SLC39A11: variants seen among roughly 807,000 people sequenced by gnomAD.
The protein encoded by SLC39A11 is zinc transporter ZIP11.
SLC39A11 carries 33 observed loss-of-function variants against 36.1 expected under a neutral mutation model. That is an observed-to-expected ratio of 0.91 (90% CI 0.69 to 1.22). SLC39A11 has a LOEUF of 1.22. Among genes scored for constraint, SLC39A11 ranks in the 50% most tolerant of loss-of-function variants. The pLI is 0.00. For missense variants in SLC39A11, 432 were observed against 430.3 expected (o/e 1.00, Z -0.03); for synonymous variants, 166 against 170.3 (o/e 0.97, Z 0.20).
intron 4 of SLC39A11, among the ~76,000 whole-genome samples, chr17:72,985,074 C>A (rs2088615161): frequency 6.6e-6 from 1 of 152,240 alleles, no homozygotes; most frequent in Non-Finnish European, 1.5e-5. Flanking sequence ...GCAGGGCAAA[C>A]ACAGTAAGTT....
intron 3 of SLC39A11, among the ~76,000 whole-genome samples, chr17:73,084,433 G>A (rs938063448): frequency 1.2e-4 from 7 of 59,414 alleles, no homozygotes; most frequent in African/African-American, 4.7e-4. Flanking sequence ...GTAAGGCTCT[G>A]TCTCAAAAAA....
intron 7 of SLC39A11, among the ~76,000 whole-genome samples, chr17:72,663,373 A>G (rs986777744): frequency 1.3e-5 from 2 of 152,186 alleles, no homozygotes; most frequent in Non-Finnish European, 2.9e-5. Context: ...TTCAGAAAAG[A>G]GCAGATCCGC....
At chr17:72,987,033 G>A (rs1198295898) in intron 4 of SLC39A11, among the ~76,000 whole-genome samples, 1 of 152,164 alleles carries the variant, frequency 6.6e-6, no homozygotes, top group Non-Finnish European at 1.5e-5. Flanking sequence ...GAGGGGTTTG[G>A]GTCACGGGAG....
chr17:72,658,672 G>A (rs1315820470), intron 7 of SLC39A11, among the ~76,000 whole-genome samples: 3 of 152,216 alleles, frequency 2.0e-5, no homozygotes, highest in Admixed American at 6.5e-5. Flanking sequence ...GCCCTGTGAT[G>A]TGTAGTGCCA....
At chr17:72,817,023 C>T (rs980682122) in intron 6 of SLC39A11, among the ~76,000 whole-genome samples, 2 of 151,910 alleles carry the variant, frequency 1.3e-5, no homozygotes, top group African/African-American at 4.8e-5. Flanking sequence ...TTTGCTATGG[C>T]AAATCCTAGG....
At chr17:72,732,140 C>T (rs1394557244) in intron 7 of SLC39A11, among the ~76,000 whole-genome samples, 2 of 144,368 alleles carry the variant, frequency 1.4e-5, no homozygotes, top group African/African-American at 5.1e-5. Flanking sequence ...CCTCAGCCTC[C>T]CAAGTAGCTG....
intron 5 of SLC39A11, among the ~76,000 whole-genome samples, chr17:72,939,677 A>G (rs1216920358): frequency 1.3e-5 from 2 of 152,208 alleles, no homozygotes; most frequent in Non-Finnish European, 2.9e-5. Context: ...GCTACAAGCC[A>G]GGAAACGCTG....
intron 3 of SLC39A11, among the ~76,000 whole-genome samples, chr17:73,071,590 A>T (rs2144529317): frequency 6.6e-6 from 1 of 152,328 alleles, no homozygotes; most frequent in Middle Eastern, 3.4e-3. Flanking sequence ...TTGCTCAAGC[A>T]GTCCACTGTC....
At chr17:72,884,688 A>C (rs1220522289) in intron 5 of SLC39A11, among the ~76,000 whole-genome samples, 1 of 152,222 alleles carries the variant, frequency 6.6e-6, no homozygotes, top group African/African-American at 2.4e-5. Flanking sequence ...GTTTAATAAA[A>C]AGGAAGGCAT....
intron 5 of SLC39A11, among the ~76,000 whole-genome samples, chr17:72,883,638 G>A (rs1053146980): frequency 1.3e-5 from 2 of 152,130 alleles, no homozygotes; most frequent in South Asian, 2.1e-4. Context: ...AGAAATGACC[G>A]AGGAATCCCA....
intron 4 of SLC39A11, among the ~76,000 whole-genome samples, chr17:72,979,636 C>T: frequency 6.6e-6 from 1 of 152,134 alleles, no homozygotes; most frequent in East Asian, 1.9e-4. Context: ...AAAATCGAGC[C>T]AGTTCAGGCC....
chr17:72,934,099 G>C (rs1288029665), intron 5 of SLC39A11, among the ~76,000 whole-genome samples: 1 of 149,428 alleles, frequency 6.7e-6, no homozygotes, highest in Admixed American at 6.7e-5. Context: ...ATAGATAGTA[G>C]ACTTAAATGT....
chr17:72,655,257 G>A (rs1378012468), intron 7 of SLC39A11, among the ~76,000 whole-genome samples: 7 of 152,284 alleles, frequency 4.6e-5, no homozygotes, highest in Admixed American at 3.9e-4. Context: ...AAGTTCCCTC[G>A]CCCCGCTGCT....
chr17:73,071,343 A>C (rs1425671815), intron 3 of SLC39A11, among the ~76,000 whole-genome samples: 1 of 152,212 alleles, frequency 6.6e-6, no homozygotes, highest in African/African-American at 2.4e-5. Flanking sequence ...GAATGGAGCA[A>C]AAGGGCCCAG....
At chr17:72,967,629 G>A (rs2087108421) in intron 4 of SLC39A11, among the ~76,000 whole-genome samples, 1 of 152,182 alleles carries the variant, frequency 6.6e-6, no homozygotes, top group Non-Finnish European at 1.5e-5. Context: ...CCAACAGCCA[G>A]AGGAGAGAGT....
At chr17:72,746,592 G>C (rs2074946594) in intron 6 of SLC39A11, among the ~76,000 whole-genome samples, 1 of 152,136 alleles carries the variant, frequency 6.6e-6, no homozygotes, top group Non-Finnish European at 1.5e-5. Context: ...CAAAAAATTA[G>C]CCGGGCGTGG....
chr17:73,018,366 T>C lies in SLC39A11; in HGVS notation c.306+13190A>G, dbSNP rs369173357. On this transcript the variant is annotated intron_variant, in intron 4 of 9. Coordinates refer to ENST00000255559, the MANE Select transcript of SLC39A11 (RefSeq NM_139177.4). ...GAGTTCAAGACCAGCCTGGCCAACATGGAAAAACCCTATCTCTACTAAACT... is the reference window on the plus strand; with the variant it reads ...GAGTTCAAGACCAGCCTGGCCAACACGGAAAAACCCTATCTCTACTAAACT... 3.1e-4 allele frequency among the ~76,000 whole-genome samples: 47 copies of C among 152,094 alleles called. 1 individual carries two copies. The East Asian group carries it at 8.5e-3, about 28-fold the overall frequency.
At chr17:73,024,075 C>T (rs1032062177) in intron 4 of SLC39A11, among the ~76,000 whole-genome samples, 5 of 152,180 alleles carry the variant, frequency 3.3e-5, no homozygotes, top group African/African-American at 1.2e-4. Context: ...GCAGCCCCAG[C>T]GAAATAATAC....
intron 6 of SLC39A11, among the ~76,000 whole-genome samples, chr17:72,837,102 T>C (rs111499236): frequency 1.6e-3 from 240 of 152,226 alleles, no homozygotes; most frequent in Middle Eastern, 0.01. Context: ...ACGGGGAGAC[T>C]GCACAAGGGC....
Sources: gnomAD v4.1 joint callset for allele counts (sites outside exome capture counted in the v4.1 genomes callset) on GRCh38, gnomAD v4.1.1 for gene constraint, MANE v1.5 for transcripts, NCBI Gene and HGNC (gene_info 2026-07-23, HGNC 2026-07-21) for gene names.